Variants in TRIM44 observed in about 807,000 individuals in gnomAD.
TRIM44 encodes the protein tripartite motif-containing protein 44.
In TRIM44, 13 loss-of-function variants were observed where a neutral mutation model predicts 37.4. That is an observed-to-expected ratio of 0.35 (90% CI 0.23 to 0.55). The LOEUF (loss-of-function observed/expected upper bound fraction) is 0.55. TRIM44 is among the 20% of genes least tolerant of loss of function. The pLI is 0.89. For missense variants in TRIM44, 426 were observed against 437.2 expected, an observed-to-expected ratio of 0.97 and a Z score of 0.23; for synonymous variants, 175 against 157.2, an observed-to-expected ratio of 1.11 and a Z score of -0.85.
intron 2 of TRIM44, among the ~76,000 whole-genome samples, chr11:35,688,758 C>T (rs537600203): frequency 1.4e-4 from 22 of 152,140 alleles, no homozygotes; most frequent in Non-Finnish European, 2.5e-4. Context: ...GAGTGCTGTG[C>T]CCACCTCCAG....
intron 4 of TRIM44, among the ~76,000 whole-genome samples, chr11:35,740,342 G>A (rs1852380310): frequency 2.0e-5 from 3 of 152,102 alleles, no homozygotes; most frequent in African/African-American, 7.2e-5. Flanking sequence ...AAAAGCTGTT[G>A]TGTAGTGGTA....
intron 4 of TRIM44, among the ~76,000 whole-genome samples, chr11:35,756,804 A>G (rs1185119549): frequency 6.6e-6 from 1 of 152,220 alleles, no homozygotes; most frequent in Non-Finnish European, 1.5e-5. Flanking sequence ...ATGCTGGATT[A>G]CGTTTATTGA....
intron 1 of TRIM44, 22 bp from the exon 2 acceptor site, chr11:35,685,237 C>G: frequency 6.2e-7 from 1 of 1,601,736 alleles, no homozygotes; most frequent in Non-Finnish European, 8.6e-7. Flanking sequence ...GTCTAGTGAC[C>G]CCTCACTTTT....
intron 2 of TRIM44, among the ~76,000 whole-genome samples, chr11:35,722,142 T>C (rs1467324445): frequency 6.6e-6 from 1 of 152,220 alleles, no homozygotes; most frequent in African/African-American, 2.4e-5. Context: ...CATTTCCTGC[T>C]TTTTTGTTTT....
rs1851294459 is a variant in TRIM44 at position 35,663,322 on chromosome 11, G to A, written c.211G>A (p.Ala71Thr). 1 of 1,614,108 alleles carries A rather than the reference G, an allele frequency of 6.2e-7. No homozygotes were observed. The highest frequency in any genetic ancestry group is 1.3e-5 in the African/African-American group (1 of 75,046). ...VHGSQAWTPP[A>T]DGEGAGKEEA... ...CGGCTCCCAGGCCTGGACCCCGCCAGCTGACGGAGAGGGGGCGGGGAAGGA... is the reference window on the plus strand; with the variant it reads ...CGGCTCCCAGGCCTGGACCCCGCCAACTGACGGAGAGGGGGCGGGGAAGGA... Residue 71 changes from alanine to threonine, a missense_variant, in exon 1 of 5, where the codon GCT becomes ACT. Coordinates refer to ENST00000299413, the MANE Select transcript of TRIM44 (RefSeq NM_017583.6).
chr11:35,670,043 G>A (rs1484652893), intron 1 of TRIM44, among the ~76,000 whole-genome samples: 2 of 151,964 alleles, frequency 1.3e-5, no homozygotes, highest in South Asian at 2.1e-4. Context: ...GGCTGGTCTC[G>A]AACTCCTGAC....
At chr11:35,672,371 C>G (rs1286005194) in intron 1 of TRIM44, among the ~76,000 whole-genome samples, 3 of 152,136 alleles carry the variant, frequency 2.0e-5, no homozygotes, top group Non-Finnish European at 2.9e-5. Context: ...ACTAATGTGT[C>G]ATGTCCTGTG....
intron 2 of TRIM44, among the ~76,000 whole-genome samples, chr11:35,692,155 T>A (rs1590510337): frequency 6.6e-6 from 1 of 152,144 alleles, no homozygotes; most frequent in Admixed American, 6.6e-5. Flanking sequence ...ATTTTTTTTT[T>A]ATCCTTGCAG....
At chr11:35,726,259 AT>A in intron 3 of TRIM44, 96 bp downstream of exon 3, 1 of 1,478,580 alleles carries the variant, frequency 6.8e-7, no homozygotes, top group Non-Finnish European at 9.1e-7. Context: ...ACGTGAATGA[AT>A]TGAAGTCTAG....
chr11:35,711,617 A>G (rs534154379), intron 2 of TRIM44, among the ~76,000 whole-genome samples: 2 of 152,234 alleles, frequency 1.3e-5, no homozygotes, highest in African/African-American at 4.8e-5. Flanking sequence ...TTAGCCAGGC[A>G]TAGAGGCACA....
At chr11:35,692,273 A>C (rs906158080) in intron 2 of TRIM44, among the ~76,000 whole-genome samples, 2 of 152,152 alleles carry the variant, frequency 1.3e-5, no homozygotes, top group African/African-American at 4.8e-5. Context: ...TAAATATGCA[A>C]CCTGGATGAT....
chr11:35,721,779 G>C (rs146059494), intron 2 of TRIM44, among the ~76,000 whole-genome samples: 1 of 152,186 alleles, frequency 6.6e-6, no homozygotes, highest in Admixed American at 6.5e-5. Context: ...TATGTCTACC[G>C]TGTTTCTAGG....
In TRIM44 at chr11:35,809,866, T is replaced by C. The variant is rs890252575; in HGVS notation, c.*3481T>C. ...AGTGTGATATGTGTGTATATGTATA[T>C]ACATACATACATGTCCGCACACACA... On this transcript the variant is annotated 3_prime_UTR_variant, in exon 5 of 5. Coordinates refer to ENST00000299413, the MANE Select transcript of TRIM44 (RefSeq NM_017583.6). The C allele has an allele frequency of 6.7e-6, 1 of 149,954 alleles. No homozygotes were observed. Among genetic ancestry groups the C allele is most frequent in the African/African-American group, 2.4e-5 (1 of 40,896 alleles). The allele number at this position is 149,954 out of a possible 1,614,324, so 9.3% of individuals were successfully genotyped here. A position where few individuals can be genotyped will look rare whatever the true frequency, so the allele number is the denominator to read the frequency against.
intron 4 of TRIM44, among the ~76,000 whole-genome samples, chr11:35,787,643 T>C (rs1456435142): frequency 4.6e-5 from 7 of 152,218 alleles, no homozygotes; most frequent in Admixed American, 1.3e-4. Context: ...CTGTAAGTGA[T>C]TAATCTGGAT....
At chr11:35,683,734 T>A (rs1194971360) in intron 1 of TRIM44, among the ~76,000 whole-genome samples, 1 of 152,080 alleles carries the variant, frequency 6.6e-6, no homozygotes, top group Non-Finnish European at 1.5e-5. Context: ...TTTTAGATTG[T>A]CCTATATATA....
At chr11:35,703,571 A>G (rs1688198602) in intron 2 of TRIM44, among the ~76,000 whole-genome samples, 1 of 152,174 alleles carries the variant, frequency 6.6e-6, no homozygotes, top group African/African-American at 2.4e-5. Context: ...AAACTTCCAG[A>G]GGAACGATCA....
At chr11:35,725,397 G>A (rs953740383) in intron 2 of TRIM44, among the ~76,000 whole-genome samples, 2 of 152,046 alleles carry the variant, frequency 1.3e-5, no homozygotes, top group African/African-American at 2.4e-5. Context: ...GCAGTGGTGC[G>A]ATCTGGGCTC....
intron 4 of TRIM44, among the ~76,000 whole-genome samples, chr11:35,766,537 A>G (rs1164864453): frequency 6.6e-6 from 1 of 152,242 alleles, no homozygotes; most frequent in Non-Finnish European, 1.5e-5. Flanking sequence ...GTGCTCCTAC[A>G]TGCCCACATT....
intron 4 of TRIM44, among the ~76,000 whole-genome samples, chr11:35,738,929 A>G (rs1293764939): frequency 2.0e-5 from 3 of 152,132 alleles, no homozygotes; most frequent in East Asian, 1.9e-4. Flanking sequence ...TTAGATTCCA[A>G]CCAGTCTCCA....
Sources: allele counts gnomAD v4.1 joint callset (sites outside exome capture counted in the v4.1 genomes callset), GRCh38; gene constraint gnomAD v4.1.1; transcripts MANE v1.5; gene names NCBI Gene and HGNC (gene_info 2026-07-23, HGNC 2026-07-21).